CNOT7: variants seen among roughly 807,000 people sequenced by gnomAD.
CNOT7 encodes the protein BTG1-binding factor 1.
CNOT7 carries 4 observed loss-of-function variants against 37.1 expected under a neutral mutation model. That is an observed-to-expected ratio of 0.11 (90% CI 0.05 to 0.25). CNOT7 has a LOEUF of 0.25. CNOT7 is among the 10% of genes least tolerant of loss of function. The pLI, the probability that CNOT7 is intolerant of heterozygous loss-of-function variation, is 1.00. For synonymous variants in CNOT7, 128 were observed against 115.6 expected (o/e 1.11, Z -0.69); for missense variants, 170 against 336.2 (o/e 0.51, Z 3.87).
intron 4 of CNOT7, among the ~76,000 whole-genome samples, chr8:17,236,469 A>G (rs980898179): frequency 1.8e-4 from 27 of 152,198 alleles, no homozygotes; most frequent in African/African-American, 6.0e-4. Flanking sequence ...TACCAGAAAC[A>G]CTCTTAAATA....
intron 2 of CNOT7, chr8:17,243,414 CAT>C: frequency 1.6e-6 from 1 of 642,980 alleles, no homozygotes; most frequent in Non-Finnish European, 2.8e-6. Flanking sequence ...ATACGAGATA[CAT>C]GTGATAAATT....
At position 17,224,993 on chromosome 8, in the gene CNOT7, A is replaced by C. The variant is rs1224987455; in HGVS notation, c.*5727T>G. 1 of 151,772 alleles carries C rather than the reference A, an allele frequency of 6.6e-6. No individual in the cohort carries two copies. The highest frequency in any genetic ancestry group is 1.5e-5 in the Non-Finnish European group (1 of 67,692). The allele number at this position is 151,772 out of a possible 1,614,324, so 9.4% of individuals were successfully genotyped here. A position where few individuals can be genotyped will look rare whatever the true frequency, so the allele number is the denominator to read the frequency against. On this transcript the variant is annotated 3_prime_UTR_variant, in exon 7 of 7. Transcript: ENST00000361272. Reference sequence around the variant, plus strand: ...GCTCAAGAACAAGTTTTTATTATGCATGGGTTTCGCAGTGATACAAGACAC... The same window carrying C: ...GCTCAAGAACAAGTTTTTATTATGCCTGGGTTTCGCAGTGATACAAGACAC...
Position 17,227,277 on chromosome 8 carries a change from C to G in CNOT7, c.*3443G>C, listed in dbSNP as rs894698013. The G allele has an allele frequency of 4.0e-5, 6 of 151,486 alleles. No individual in the cohort carries two copies. The highest frequency in any genetic ancestry group is 7.4e-5 in the Non-Finnish European group (5 of 67,606). The allele number at this position is 151,486 out of a possible 1,614,324, so 9.4% of individuals were successfully genotyped here. On this transcript the variant is annotated 3_prime_UTR_variant, in exon 7 of 7. Coordinates refer to ENST00000361272, the MANE Select transcript of CNOT7 (RefSeq NM_013354.7). ...TTCCACTTCAGGTTGTACTGTTTAT[C>G]AACTTTTTTGAAAATATTCCCACTT...
chr8:17,240,048 C>T (rs1177456330), intron 3 of CNOT7, among the ~76,000 whole-genome samples: 1 of 152,220 alleles, frequency 6.6e-6, no homozygotes, highest in Non-Finnish European at 1.5e-5. Context: ...AGTACTAAAT[C>T]CCTAGTGTCT....
intron 1 of CNOT7, chr8:17,245,757 A>C (rs1810901668): frequency 6.6e-6 from 1 of 152,244 alleles, no homozygotes; most frequent in South Asian, 2.1e-4. Flanking sequence ...TGCTCTGAGA[A>C]AAAAGTAACG....
intron 2 of CNOT7, chr8:17,243,559 G>A: frequency 2.2e-6 from 1 of 464,452 alleles, no homozygotes; most frequent in African/African-American, 2.0e-5. Context: ...GTTCAAAAGA[G>A]GGGAAAACGC....
Position 17,225,560 on chromosome 8 carries a change from T to G in CNOT7, c.*5160A>C, listed in dbSNP as rs189026546. On this transcript the variant is annotated 3_prime_UTR_variant, in exon 7 of 7. Coordinates refer to ENST00000361272, the MANE Select transcript of CNOT7 (RefSeq NM_013354.7). ...GTAACTAATGCTGTAGAAAACTGTT[T>G]AAAACAAATGGAAATTGTCTAGTGA... 6.6e-6 allele frequency: 1 copy of G among 151,906 alleles called. No individual in the cohort carries two copies. The highest frequency in any genetic ancestry group is 6.6e-5 in the Admixed American group (1 of 15,234). 9.4% of individuals were successfully genotyped at this position (151,906 alleles called of 1,614,324 possible).
At chr8:17,237,513 T>C (rs1426447032) in intron 3 of CNOT7, 140 bp from the exon 4 acceptor site, 7 of 652,380 alleles carry the variant, frequency 1.1e-5, no homozygotes, top group East Asian at 2.7e-5. Flanking sequence ...GCTTTATATA[T>C]ATGCAAGAAA....
chr8:17,228,887 AAAG>A lies in CNOT7; in HGVS notation c.*1830_*1832del, dbSNP rs1321592736. On this transcript the variant is annotated 3_prime_UTR_variant, in exon 7 of 7. Transcript: ENST00000361272. ...CTTCACTTCCTTTTTAACGAAGACA[AAAG>A]AAGCCAGTTAGAAACTTACTACATT... The A allele has an allele frequency of 2.0e-5, 3 of 152,008 alleles. No individual in the cohort carries two copies. Among genetic ancestry groups the A allele is most frequent in the Admixed American group, 6.6e-5 (1 of 15,246 alleles). 9.4% of individuals were successfully genotyped at this position (152,008 alleles called of 1,614,324 possible).
rs114176313 is a variant in CNOT7, at chr8:17,240,871, C to T, written c.311+2121G>A. On this transcript the variant is annotated intron_variant, in intron 3 of 6. Coordinates refer to ENST00000361272, the MANE Select transcript of CNOT7 (RefSeq NM_013354.7). ...ACCCTTTATAAATGAGGTGTTCAAT[C>T]TTTTGGCTTCCTTGGGCCATACTCA... Among the ~76,000 whole-genome samples, 1,110 of 152,258 alleles carry T rather than the reference C, an allele frequency of 7.3e-3. 13 individuals are homozygous for T. Among genetic ancestry groups the T allele is most frequent in the African/African-American group, 0.025 (1,056 of 41,528 alleles).
Position 17,228,711 on chromosome 8 carries a change from A to AATG in CNOT7, c.*2006_*2008dup, listed in dbSNP as rs890686986. 1 of 151,952 alleles carries AATG rather than the reference A, an allele frequency of 6.6e-6. No homozygotes were observed. The highest frequency in any genetic ancestry group is 2.4e-5 in the African/African-American group (1 of 41,428). 9.4% of individuals were successfully genotyped at this position (151,952 alleles called of 1,614,324 possible). A position where few individuals can be genotyped will look rare whatever the true frequency, so the allele number is the denominator to read the frequency against. ...ATACTTTTTAGGGACAGAAGCCAGA[A>AATG]ATGATACAAGTTATGAGATTGAGCA... On this transcript the variant is annotated 3_prime_UTR_variant, in exon 7 of 7. Coordinates refer to ENST00000361272, the MANE Select transcript of CNOT7 (RefSeq NM_013354.7).
chr8:17,229,125 G>A lies in CNOT7; in HGVS notation c.*1595C>T, dbSNP rs1415030424. 1 of 151,792 alleles carries A rather than the reference G, an allele frequency of 6.6e-6. No individual in the cohort carries two copies. The highest frequency in any genetic ancestry group is 1.5e-5 in the Non-Finnish European group (1 of 67,794). 9.4% of individuals were successfully genotyped at this position (151,792 alleles called of 1,614,324 possible). ...CAATTAATGGACTAATAATCATCTA[G>A]GGTTAATGAAGGAAGTTACTGAATT... is the stretch of plus-strand genomic sequence containing the variant. On this transcript the variant is annotated 3_prime_UTR_variant, in exon 7 of 7. Transcript: ENST00000361272.
rs1808349804 is a variant in CNOT7, at chr8:17,229,250, C to A, written c.*1470G>T. On this transcript the variant is annotated 3_prime_UTR_variant, in exon 7 of 7. Coordinates refer to ENST00000361272, the MANE Select transcript of CNOT7 (RefSeq NM_013354.7). Reference sequence around the variant, plus strand: ...ACATTTATAAGAAAACATTTTGAAGCCTTTATTTACAAAAGCTTTAAAAAC... The same window carrying A: ...ACATTTATAAGAAAACATTTTGAAGACTTTATTTACAAAAGCTTTAAAAAC... The A allele has an allele frequency of 6.6e-6, 1 of 151,858 alleles. No individual in the cohort carries two copies. The allele number at this position is 151,858 out of a possible 1,614,324, so 9.4% of individuals were successfully genotyped here.
intron 2 of CNOT7, chr8:17,244,597 A>T (rs1810639359): frequency 6.5e-6 from 1 of 153,644 alleles, no homozygotes; most frequent in African/African-American, 2.4e-5. Flanking sequence ...AAGTATCTCC[A>T]TCCTGGCTAA....
chr8:17,239,022 A>C (rs1193940243), intron 3 of CNOT7, among the ~76,000 whole-genome samples: 1 of 152,202 alleles, frequency 6.6e-6, no homozygotes, highest in Non-Finnish European at 1.5e-5. Context: ...ATGTCTGTGT[A>C]TTATCTGTAA....
chr8:17,232,351 A>T, intron 6 of CNOT7, 76 bp downstream of exon 6: 1 of 1,609,048 alleles, frequency 6.2e-7, no homozygotes, highest in Non-Finnish European at 8.5e-7. Context: ...CTTGTTGCCC[A>T]AAATCTTTGG....
At chr8:17,233,030 T>C (rs1382002614) in intron 5 of CNOT7, among the ~76,000 whole-genome samples, 2 of 152,222 alleles carry the variant, frequency 1.3e-5, no homozygotes, top group Non-Finnish European at 2.9e-5. Flanking sequence ...ACTATGGTTT[T>C]CTTAGTTAAG....
At chr8:17,233,222 G>C in intron 5 of CNOT7, among the ~76,000 whole-genome samples, 1 of 152,160 alleles carries the variant, frequency 6.6e-6, no homozygotes, top group East Asian at 1.9e-4. Context: ...AGAATAAGTA[G>C]AGCGTGAAGG....
chr8:17,233,443 A>T (rs760118354), intron 5 of CNOT7, among the ~76,000 whole-genome samples: 8 of 152,228 alleles, frequency 5.3e-5, no homozygotes, highest in Admixed American at 2.0e-4. Flanking sequence ...ACTATAGGTC[A>T]AAAAGCACCT....
Sources: allele counts gnomAD v4.1 joint callset (sites outside exome capture counted in the v4.1 genomes callset), GRCh38; gene constraint gnomAD v4.1.1; transcripts MANE v1.5; gene names NCBI Gene and HGNC (gene_info 2026-07-23, HGNC 2026-07-21).